Variants in AGAP3 observed in about 807,000 individuals in gnomAD.
AGAP3 encodes the protein arf-GAP with GTPase, ANK repeat and PH domain-containing protein 3.
Under a neutral mutation model 96.9 loss-of-function variants are expected in AGAP3, and 24 were observed. That is an observed-to-expected ratio of 0.25 (90% CI 0.18 to 0.35). The LOEUF is 0.35. AGAP3 is among the 10% of genes least tolerant of loss of function. The probability of loss-of-function intolerance (pLI) is 1.00; values close to 1 mark genes in which losing one functional copy is unlikely to be tolerated. For synonymous variants in AGAP3, 563 were observed against 536.1 expected (o/e 1.05, Z -0.69); for missense variants, 876 against 1,254.2 (o/e 0.70, Z 4.55).
chr7:151,119,947 CT>C lies in AGAP3; in HGVS notation c.970-39del, dbSNP rs771242001. ...CACCCGCCTGGTGCCCGTCCCGCCC[CT>C]GACCCGGAGCTGCCCTCAGCAGCCC... On this transcript the variant is annotated intron_variant, in intron 7 of 17. Transcript: ENST00000397238. 56 of 1,607,576 alleles carry C rather than the reference CT, an allele frequency of 3.5e-5. 2 individuals are homozygous for C. In the South Asian group the frequency reaches 5.1e-4, roughly 15 times the overall value.
rs369539171 is a variant in AGAP3, at chr7:151,120,121, C to T, written c.1104C>T (p.Ser368=). ...SSTPTPIRKQ[S]KRRSNIFTSR... The stretch of plus-strand genomic sequence containing the variant: ...CCCCCACACCCATCCGAAAGCAGTC[C>T]AAGCGGCGCTCCAACATCTTCACGG... Residue 368 remains serine (S), a synonymous_variant, in exon 8 of 18, where the codon TCC becomes TCT. Coordinates refer to ENST00000397238, the MANE Select transcript of AGAP3 (RefSeq NM_031946.7). The T allele has an allele frequency of 3.1e-6, 5 of 1,612,410 alleles. No individual in the cohort carries two copies. Among genetic ancestry groups the T allele is most frequent in the Non-Finnish European group, 3.4e-6 (4 of 1,179,104 alleles).
At chr7:151,092,248 C>T (rs1038189829) in intron 1 of AGAP3, among the ~76,000 whole-genome samples, 9 of 152,130 alleles carry the variant, frequency 5.9e-5, no homozygotes, top group Non-Finnish European at 7.4e-5. Flanking sequence ...GTGGAGGGAA[C>T]GAGGTACGCT....
intron 9 of AGAP3, among the ~76,000 whole-genome samples, chr7:151,125,088 A>C (rs1800100986): frequency 6.6e-6 from 1 of 152,140 alleles, no homozygotes; most frequent in Admixed American, 6.5e-5. Context: ...CCTGTTGCTC[A>C]TTTGATCCCC....
chr7:151,089,263 C>T (rs561224232), intron 1 of AGAP3, among the ~76,000 whole-genome samples: 4 of 152,374 alleles, frequency 2.6e-5, no homozygotes, highest in Non-Finnish European at 5.9e-5. Flanking sequence ...TCCTGCGAAG[C>T]GGTGTCCCCA....
Position 151,117,130 on chromosome 7 carries a change from C to T in AGAP3, c.426C>T (p.Ala142=), listed in dbSNP as rs373601171. The change falls in exon 3 of 18, where the codon GCC becomes GCT. Residue 142 remains alanine (A), a synonymous_variant. Transcript: ENST00000397238. The stretch of plus-strand genomic sequence containing the variant: ...GGAACCTGTCTAGCGGGAAGTCAGC[C>T]CTGGTGCACCGCTATCTGACGGGGA... ...IVGNLSSGKS[A]LVHRYLTGTY... The T allele has an allele frequency of 3.1e-6, 5 of 1,614,000 alleles. No homozygotes were observed. Among genetic ancestry groups the T allele is most frequent in the Admixed American group, 1.7e-5 (1 of 60,000 alleles).
chr7:151,138,536 C>T (rs1800693281), intron 12 of AGAP3, among the ~76,000 whole-genome samples: 1 of 152,226 alleles, frequency 6.6e-6, no homozygotes, highest in Non-Finnish European at 1.5e-5. Context: ...CTTCTCCAGC[C>T]TCCATGTGCA....
In AGAP3 at chr7:151,089,341, C is replaced by G. The variant is rs190161292; in HGVS notation, c.331+2269C>G. Among the ~76,000 whole-genome samples the G allele has an allele frequency of 4.5e-3, 681 of 152,286 alleles. 16 individuals are homozygous for G. Among genetic ancestry groups the G allele is most frequent in the Admixed American group, 0.039 (592 of 15,302 alleles). On this transcript the variant is annotated intron_variant, in intron 1 of 17. Coordinates refer to ENST00000397238, the MANE Select transcript of AGAP3 (RefSeq NM_031946.7). ...TTTCCGAGCACAGTCTGAGGCTGGA[C>G]TGAGACCCAGCCCTCCACCCCCAGC...
Position 151,123,870 on chromosome 7 carries a change from C to T in AGAP3, c.1205C>T (p.Ala402Val), listed in dbSNP as rs1800040131. ...GTGGACAGCATCGGGAGCGGCCGCG[C>T]CATCCCCATCAAGCAGGTCAGCGCC... ...CKVDSIGSGR[A>V]IPIKQGILLK... Residue 402 changes from alanine (A) to valine (V), a missense_variant, in exon 9 of 18, where the codon GCC (alanine) becomes GTC (valine). Physicochemically the swap from Ala to Val is moderately conservative, Grantham distance 64. Coordinates refer to ENST00000397238, the MANE Select transcript of AGAP3 (RefSeq NM_031946.7). The T allele has an allele frequency of 1.9e-6, 3 of 1,609,112 alleles. No homozygotes were observed. The highest frequency in any genetic ancestry group is 3.3e-5 in the Admixed American group (2 of 60,010).
chr7:151,122,504 C>CCCA (rs1554468620), intron 8 of AGAP3, among the ~76,000 whole-genome samples: 5 of 151,486 alleles, frequency 3.3e-5, no homozygotes, highest in African/African-American at 1.2e-4. Context: ...GCCGCTGCCG[C>CCCA]CCGCCGCCGC....
At chr7:151,093,059 T>G (rs1015405641) in intron 1 of AGAP3, among the ~76,000 whole-genome samples, 1 of 152,182 alleles carries the variant, frequency 6.6e-6, no homozygotes, top group Non-Finnish European at 1.5e-5. Flanking sequence ...CTCCCATGGG[T>G]AGCACGGATG....
chr7:151,117,012 C>T, intron 2 of AGAP3, 83 bp from the exon 3 acceptor site: 9 of 1,506,918 alleles, frequency 6.0e-6, no homozygotes, highest in Non-Finnish European at 8.3e-6. Context: ...TTTCTCCCTC[C>T]TGCTGCTTCT....
Position 151,114,955 on chromosome 7 carries a change from C to A in AGAP3, c.332-1838C>A. 1 of 982,926 alleles carries A rather than the reference C, an allele frequency of 1.0e-6. No individual in the cohort carries two copies. Among genetic ancestry groups the A allele is most frequent in the South Asian group, 4.6e-5 (1 of 21,594 alleles). The allele number at this position is 982,926 out of a possible 1,614,324, so 60.9% of individuals were successfully genotyped here. A position where few individuals can be genotyped will look rare whatever the true frequency, so the allele number is the denominator to read the frequency against. ...CCGGCGCGGCCGCGGAGCGTGTGCT[C>A]GGGCGGCCCGGAGCCGCCGCCCACC... On this transcript the variant is annotated intron_variant, in intron 1 of 17. Coordinates refer to ENST00000397238, the MANE Select transcript of AGAP3 (RefSeq NM_031946.7). This position sits in a 1 kb window ranked among gnomAD's most constrained non-coding sequence, Gnocchi z 4.4.
intron 1 of AGAP3, among the ~76,000 whole-genome samples, chr7:151,113,445 G>A (rs1055943152): frequency 4.6e-5 from 7 of 152,212 alleles, no homozygotes; most frequent in Non-Finnish European, 8.8e-5. Context: ...ACCTAGGATG[G>A]AGAGGCCCTG....
chr7:151,109,540 T>C (rs1483983937), intron 1 of AGAP3, among the ~76,000 whole-genome samples: 1 of 152,160 alleles, frequency 6.6e-6, no homozygotes. Flanking sequence ...CATGCCCAAA[T>C]TCCCCCCTTT....
intron 10 of AGAP3, among the ~76,000 whole-genome samples, chr7:151,131,970 G>A (rs1017936509): frequency 6.6e-6 from 1 of 152,216 alleles, no homozygotes; most frequent in East Asian, 1.9e-4. Flanking sequence ...TGTAGTAGCC[G>A]ATCTAAGATG....
At position 151,140,077 on chromosome 7, in the gene AGAP3, G is replaced by T. The variant is rs369632963; in HGVS notation, c.1765G>T (p.Gly589Trp). ...GAAGCACCGGAGGAAAAAGAGCACC[G>T]GGACCCCCCGACCAGACGGCCCCAG... ...RKKHRRKKSTGTPRPDGPSSA... is the reference protein window; with the variant it reads ...RKKHRRKKSTWTPRPDGPSSA... Residue 589 changes from glycine (G) to tryptophan (W), a missense_variant, in exon 13 of 18, where the codon GGG (glycine) becomes TGG (tryptophan). Around this residue, in one of 8 missense-constraint regions of AGAP3, gnomAD observed 155 missense variants for 144.4 expected, o/e 1.07. Transcript: ENST00000397238. The surrounding 1 kb of genome is among the most constrained non-coding windows in gnomAD (Gnocchi z 5.4). 26 of 1,604,944 alleles carry T rather than the reference G, an allele frequency of 1.6e-5. No homozygotes were observed. Among genetic ancestry groups the T allele is most frequent in the Non-Finnish European group, 2.2e-5 (26 of 1,176,294 alleles).
chr7:151,137,011 G>T, intron 11 of AGAP3, among the ~76,000 whole-genome samples: 1 of 152,244 alleles, frequency 6.6e-6, no homozygotes. Flanking sequence ...CTTACTATGT[G>T]TCTGGTCCTC....
In AGAP3 at chr7:151,142,623, T is replaced by G. The variant is rs1186732552; in HGVS notation, c.2262T>G (p.Pro754=). The G allele has an allele frequency of 6.2e-7, 1 of 1,612,448 alleles. No individual in the cohort carries two copies. ...GALGGYSKPG[P]DACREEKERW... ...TGGGTGGCTACTCCAAGCCAGGGCC[T>G]GATGCCTGCAGGTGAGCAGATGGTG... The change falls in exon 16 of 18, where the codon CCT becomes CCG. Residue 754 remains proline, a synonymous_variant. Coordinates refer to ENST00000397238, the MANE Select transcript of AGAP3 (RefSeq NM_031946.7). This position sits in a 1 kb window ranked among gnomAD's most constrained non-coding sequence, Gnocchi z 7.5.
chr7:151,120,371 T>C (rs948568185), intron 8 of AGAP3: 5 of 653,680 alleles, frequency 7.6e-6, no homozygotes, highest in Non-Finnish European at 1.4e-5. Flanking sequence ...GCCCTTACCC[T>C]GTCCCCACAG....
Sources: gnomAD v4.1 joint callset for allele counts (sites outside exome capture counted in the v4.1 genomes callset) on GRCh38, gnomAD v4.1.1 for gene constraint, gnomAD v4.1.1 regional missense constraint, Gnocchi (gnomAD v3.1) non-coding constraint, MANE v1.5 for transcripts, NCBI Gene and HGNC (gene_info 2026-07-23, HGNC 2026-07-21) for gene names.